Variants in STXBP3 observed in about 807,000 individuals in gnomAD.
STXBP3 encodes syntaxin-binding protein 3.
A neutral mutation model predicts 85.7 loss-of-function variants in STXBP3; 41 were observed. That is an observed-to-expected ratio of 0.48 (90% CI 0.37 to 0.62). The LOEUF (loss-of-function observed/expected upper bound fraction) is 0.62. Among genes scored for constraint, STXBP3 ranks in the 20% least tolerant of loss-of-function variants. The probability of loss-of-function intolerance (pLI) is 0.00; values close to 1 mark genes in which losing one functional copy is unlikely to be tolerated. For missense variants in STXBP3, 563 were observed against 703.1 expected (o/e 0.80, Z 2.25); for synonymous variants, 229 against 231.7 (o/e 0.99, Z 0.10).
At chr1:108,801,279 T>C (rs936136369) in intron 17 of STXBP3, among the ~76,000 whole-genome samples, 1 of 152,214 alleles carries the variant, frequency 6.6e-6, no homozygotes, top group African/African-American at 2.4e-5. Context: ...ACTGAATGTT[T>C]TTTTTTCCCC....
At chr1:108,777,747 T>A (rs1055185150) in intron 8 of STXBP3, among the ~76,000 whole-genome samples, 21 of 152,220 alleles carry the variant, frequency 1.4e-4, no homozygotes, top group African/African-American at 4.6e-4. Flanking sequence ...GGACACCTGA[T>A]AAAGTGATAA....
chr1:108,802,069 T>C (rs995016804), intron 17 of STXBP3, among the ~76,000 whole-genome samples: 1 of 152,118 alleles, frequency 6.6e-6, no homozygotes, highest in African/African-American at 2.4e-5. Flanking sequence ...ATCTTTTCTT[T>C]CTTTGGCTTC....
intron 6 of STXBP3, among the ~76,000 whole-genome samples, chr1:108,761,012 T>C (rs1302455762): frequency 6.6e-6 from 1 of 152,140 alleles, no homozygotes; most frequent in Non-Finnish European, 1.5e-5. Context: ...CAAGCGATTC[T>C]CCTGCCTCAG....
chr1:108,792,639 C>A (rs776410059), intron 11 of STXBP3, among the ~76,000 whole-genome samples: 30 of 152,116 alleles, frequency 2.0e-4, no homozygotes, highest in Non-Finnish European at 3.8e-4. Context: ...ACTGTTTTGT[C>A]ACTTGAGTAT....
At chr1:108,765,929 T>G (rs1307919092) in intron 6 of STXBP3, among the ~76,000 whole-genome samples, 1 of 148,562 alleles carries the variant, frequency 6.7e-6, no homozygotes, top group Non-Finnish European at 1.5e-5. Flanking sequence ...CTTGGCTCAC[T>G]TCAGCCTCTG....
rs765043069 is a variant in STXBP3 at position 108,807,421 on chromosome 1, C to G, written c.1556C>G (p.Ala519Gly). The change falls in exon 18 of 19, where the codon GCT becomes GGT. Residue 519 changes from alanine (A) to glycine (G), a missense_variant. Ala to Gly is a moderately conservative substitution (Grantham distance 60). Around this residue, in one of 3 missense-constraint regions of STXBP3, gnomAD observed 494 missense variants for 592.8 expected, o/e 0.83. Coordinates refer to ENST00000370008, the MANE Select transcript of STXBP3 (RefSeq NM_007269.4). ...TTTAGTGCTCGCCAGAAACCCAGAG[C>G]TAATTATTTAGAAGACCGAAAAAAT... ...GAVSARQKPR[A>G]NYLEDRKNGS... 3.1e-6 allele frequency: 5 copies of G among 1,607,390 alleles called. No homozygotes were observed. In the South Asian group the frequency reaches 5.6e-5, roughly 18 times the overall value.
chr1:108,779,561 T>C, intron 9 of STXBP3, 151 bp downstream of exon 9: 1 of 790,042 alleles, frequency 1.3e-6, no homozygotes, highest in Non-Finnish European at 1.8e-6. Flanking sequence ...ACAGTTATAG[T>C]CTTTGACAGA....
intron 9 of STXBP3, 38 bp from the exon 10 acceptor site, chr1:108,782,384 A>G: frequency 1.3e-6 from 2 of 1,489,752 alleles, no homozygotes; most frequent in Non-Finnish European, 1.8e-6. Context: ...TTGGAGGGAA[A>G]AAAATCAAAA....
At chr1:108,790,513 TATCCAGCCCA>T (rs921545058) in intron 11 of STXBP3, among the ~76,000 whole-genome samples, 7 of 152,080 alleles carry the variant, frequency 4.6e-5, no homozygotes, top group African/African-American at 9.7e-5. Context: ...TTTGTTTTTT[TATCCAGCCCA>T]AAAATCTTTT....
intron 17 of STXBP3, among the ~76,000 whole-genome samples, chr1:108,803,634 G>A (rs991369251): frequency 6.6e-6 from 1 of 152,122 alleles, no homozygotes; most frequent in African/African-American, 2.4e-5. Context: ...GATTACAGAT[G>A]TGCACCACCA....
At chr1:108,770,975 G>A (rs1165742601) in intron 6 of STXBP3, among the ~76,000 whole-genome samples, 5 of 151,978 alleles carry the variant, frequency 3.3e-5, no homozygotes, top group Non-Finnish European at 7.4e-5. Context: ...GCTAAAGAAC[G>A]GAAGACATGT....
chr1:108,755,353 A>G (rs1661997481), intron 3 of STXBP3, among the ~76,000 whole-genome samples: 1 of 152,108 alleles, frequency 6.6e-6, no homozygotes, highest in African/African-American at 2.4e-5. Flanking sequence ...GAACTGAGGC[A>G]GGAGGATTGC....
chr1:108,749,779 A>T (rs1661864032), intron 1 of STXBP3, among the ~76,000 whole-genome samples: 2 of 152,190 alleles, frequency 1.3e-5, no homozygotes, highest in South Asian at 2.1e-4. Flanking sequence ...CGTCTGGCAG[A>T]CACAGGTAGA....
At chr1:108,794,938 A>C (rs201689618) in intron 13 of STXBP3, 31 bp downstream of exon 13, 3 of 1,557,732 alleles carry the variant, frequency 1.9e-6, no homozygotes, top group Non-Finnish European at 1.7e-6. Context: ...GCCTCTGTTC[A>C]TAACAAATTT....
At chr1:108,756,297 G>A (rs962517553) in intron 3 of STXBP3, among the ~76,000 whole-genome samples, 19 of 152,098 alleles carry the variant, frequency 1.2e-4, no homozygotes, top group African/African-American at 4.6e-4. Flanking sequence ...TCACATCTGG[G>A]TTAGAAGCCT....
At chr1:108,793,550 G>C (rs763879910) in intron 11 of STXBP3, 32 bp from the exon 12 acceptor site, 16 of 1,570,306 alleles carry the variant, frequency 1.0e-5, no homozygotes, top group Non-Finnish European at 1.1e-5. Flanking sequence ...TGAATCATAG[G>C]CTTGCCTAAA....
intron 2 of STXBP3, 27 bp from the exon 3 acceptor site, chr1:108,753,036 T>A: frequency 6.6e-7 from 1 of 1,505,720 alleles, no homozygotes; most frequent in South Asian, 1.3e-5. Context: ...ATGCTTACAG[T>A]ATTTTTAAAT....
chr1:108,807,449 G>A lies in STXBP3; in HGVS notation c.1584G>A (p.Gly528=). The A allele has an allele frequency of 6.2e-7, 1 of 1,613,384 alleles. No individual in the cohort carries two copies. The highest frequency in any genetic ancestry group is 1.1e-5 in the South Asian group (1 of 90,950). ...RANYLEDRKN[G]SKLIVFVIGG... ...ATTATTTAGAAGACCGAAAAAATGGGTCAAAGCTGATTGTTTTTGTAATTG... is the reference window on the plus strand; with the variant it reads ...ATTATTTAGAAGACCGAAAAAATGGATCAAAGCTGATTGTTTTTGTAATTG... The change falls in exon 18 of 19, where the codon GGG becomes GGA. Residue 528 remains glycine (G), a synonymous_variant. Coordinates refer to ENST00000370008, the MANE Select transcript of STXBP3 (RefSeq NM_007269.4).
intron 11 of STXBP3, 27 bp from the exon 12 acceptor site, chr1:108,793,555 C>T: frequency 6.3e-7 from 1 of 1,588,296 alleles, no homozygotes; most frequent in Admixed American, 1.7e-5. Flanking sequence ...CATAGGCTTG[C>T]CTAAAAAAAT....
Sources: gnomAD v4.1 joint callset for allele counts (sites outside exome capture counted in the v4.1 genomes callset) on GRCh38, gnomAD v4.1.1 for gene constraint, gnomAD v4.1.1 regional missense constraint, MANE v1.5 for transcripts, NCBI Gene and HGNC (gene_info 2026-07-23, HGNC 2026-07-21) for gene names.